The following SMURF2 variants were observed in gnomAD, a reference collection of about 807,000 sequenced individuals.
SMURF2 encodes the protein SMAD specific E3 ubiquitin protein ligase 2.
SMURF2 carries 48 observed loss-of-function variants against 109.6 expected under a neutral mutation model. The observed-to-expected ratio is 0.44, with a 90% CI of 0.35 to 0.56. SMURF2 has a LOEUF of 0.56. Among genes scored for constraint, SMURF2 ranks in the 20% least tolerant of loss-of-function variants. The pLI is 0.01. For missense variants in SMURF2, 575 were observed against 909.0 expected, an observed-to-expected ratio of 0.63 and a Z score of 4.72; for synonymous variants, 288 against 317.1, an observed-to-expected ratio of 0.91 and a Z score of 0.97.
At chr17:64,563,659 ACTT>A (rs1969258840) in intron 10 of SMURF2, among the ~76,000 whole-genome samples, 1 of 152,226 alleles carries the variant, frequency 6.6e-6, no homozygotes, top group Non-Finnish European at 1.5e-5. Flanking sequence ...AAGCCATAAA[ACTT>A]CTAAGCACAG....
At position 64,562,875 on chromosome 17, in the gene SMURF2, G is replaced by A; in HGVS notation, c.1108C>T (p.Arg370Ter). ...ATTTTTAGTTTCTGAACCAGGTCTC[G>A]CTTGTACCTTGGGACTGTCAGGCAT... is the stretch of plus-strand genomic sequence containing the variant. ...TECLTVPRYK[R>*]DLVQKLKILR... Residue 370 changes from arginine to a stop codon, truncating the protein, a stop_gained, in exon 11 of 19, where the codon CGA becomes TGA. Coordinates refer to ENST00000262435, the MANE Select transcript of SMURF2 (RefSeq NM_022739.4). LOFTEE classifies it high-confidence loss of function. 1 of 1,614,088 alleles carries A rather than the reference G, an allele frequency of 6.2e-7. No individual in the cohort carries two copies. Among genetic ancestry groups the A allele is most frequent in the Non-Finnish European group, 8.5e-7 (1 of 1,180,004 alleles).
chr17:64,635,622 G>T (rs1490801700), intron 1 of SMURF2, among the ~76,000 whole-genome samples: 1 of 151,824 alleles, frequency 6.6e-6, no homozygotes, highest in Non-Finnish European at 1.5e-5. Flanking sequence ...CTAATTTTTT[G>T]AGCTCATCCA....
intron 1 of SMURF2, among the ~76,000 whole-genome samples, chr17:64,639,826 T>C (rs1296494026): frequency 6.6e-6 from 1 of 152,128 alleles, no homozygotes; most frequent in South Asian, 2.1e-4. Context: ...GGCATCACAT[T>C]AGGTAAATGA....
intron 1 of SMURF2, among the ~76,000 whole-genome samples, chr17:64,655,379 T>C (rs1970692754): frequency 2.1e-5 from 3 of 145,090 alleles, no homozygotes; most frequent in Admixed American, 7.2e-5. Flanking sequence ...TGACTCAGCC[T>C]CCCCAGTAGC....
At chr17:64,599,861 G>C (rs1200236005) in intron 2 of SMURF2, among the ~76,000 whole-genome samples, 3 of 152,198 alleles carry the variant, frequency 2.0e-5, no homozygotes, top group Non-Finnish European at 4.4e-5. Flanking sequence ...AAAAGGAAGA[G>C]CACCAAGGAG....
chr17:64,662,049 A>G lies in SMURF2; in HGVS notation c.-169T>C, dbSNP rs1216597488. On this transcript the variant is annotated 5_prime_UTR_variant, in exon 1 of 19. Transcript: ENST00000262435. ...AGTCGTCGCCATGAGCCGCGGAGGG[A>G]GCGGGACGCCGAGCTCCCCCCTCCT... is the stretch of plus-strand genomic sequence containing the variant. 1.8e-6 allele frequency: 2 copies of G among 1,108,198 alleles called. No individual in the cohort carries two copies. The highest frequency in any genetic ancestry group is 1.7e-5 in the African/African-American group (1 of 59,412). The allele number at this position is 1,108,198 out of a possible 1,614,324, so 68.6% of individuals were successfully genotyped here.
At chr17:64,563,582 TG>T (rs1555684735) in intron 10 of SMURF2, among the ~76,000 whole-genome samples, 1 of 152,170 alleles carries the variant, frequency 6.6e-6, no homozygotes, top group African/African-American at 2.4e-5. Context: ...TAAATGAACT[TG>T]GGTATATTTC....
chr17:64,652,257 C>G (rs1266482759), intron 1 of SMURF2, among the ~76,000 whole-genome samples: 10 of 152,314 alleles, frequency 6.6e-5, no homozygotes, highest in Admixed American at 6.5e-4. Flanking sequence ...AAAATAATAT[C>G]TGTCACAGAT....
chr17:64,662,252 G>T lies in SMURF2; in HGVS notation c.-372C>A. 1.0e-6 allele frequency: 1 copy of T among 983,526 alleles called. No homozygotes were observed. The highest frequency in any genetic ancestry group is 1.2e-6 in the Non-Finnish European group (1 of 829,222). 60.9% of individuals were successfully genotyped at this position (983,526 alleles called of 1,614,324 possible). A position where few individuals can be genotyped will look rare whatever the true frequency, so the allele number is the denominator to read the frequency against. ...CGGCTGAAGCGGGCGGTGCTCGGGG[G>T]CGCCGGAGCAGAACTCTGGGCTCGG... is the stretch of plus-strand genomic sequence containing the variant. On this transcript the variant is annotated 5_prime_UTR_variant, in exon 1 of 19. Transcript: ENST00000262435.
intron 5 of SMURF2, among the ~76,000 whole-genome samples, chr17:64,587,312 C>CA (rs1369286208): frequency 6.6e-6 from 1 of 152,056 alleles, no homozygotes; most frequent in Non-Finnish European, 1.5e-5. Flanking sequence ...AGTATAAAAC[C>CA]ACCACAAAGA....
Position 64,562,785 on chromosome 17 carries a change from C to T in SMURF2, c.1198G>A (p.Glu400Lys). The T allele has an allele frequency of 6.2e-7, 1 of 1,612,666 alleles. No individual in the cohort carries two copies. The highest frequency in any genetic ancestry group is 8.5e-7 in the Non-Finnish European group (1 of 1,179,586). Residue 400 changes from glutamate (E) to lysine (K), a missense_variant, in exon 11 of 19, where the codon GAA (glutamate) becomes AAA (lysine). By Grantham distance (56) the Glu-to-Lys change is moderately conservative. This residue lies in a region of SMURF2 where 361 missense variants were observed against 612.1 expected (regional missense o/e 0.59). Coordinates refer to ENST00000262435, the MANE Select transcript of SMURF2 (RefSeq NM_022739.4). ...CGTAAATTTACCTCAAAAATCTCTT[C>T]CCTGGAAACCTCAATGCGGCAATGA... The part of the protein sequence containing the change: ...AGHCRIEVSR[E>K]EIFEESYRQV...
chr17:64,644,157 C>T (rs1555692814), intron 1 of SMURF2, among the ~76,000 whole-genome samples: 1 of 152,078 alleles, frequency 6.6e-6, no homozygotes, highest in African/African-American at 2.4e-5. Context: ...AGGTACGCAC[C>T]ACACACCAGG....
At chr17:64,546,223 T>C (rs782798027) in intron 18 of SMURF2, 40 bp downstream of exon 18, 6 of 1,583,774 alleles carry the variant, frequency 3.8e-6, no homozygotes, top group South Asian at 1.1e-5. Flanking sequence ...CTAACACTTA[T>C]GTACATGGAA....
At chr17:64,655,222 G>C (rs945529079) in intron 1 of SMURF2, among the ~76,000 whole-genome samples, 3 of 142,034 alleles carry the variant, frequency 2.1e-5, no homozygotes, top group Admixed American at 1.4e-4. Flanking sequence ...CCAAAGTAAA[G>C]CAATTCTAAT....
chr17:64,547,556 C>G lies in SMURF2; in HGVS notation c.2071+44G>C, dbSNP rs199718522. ...TCCACAGACCCCACGCTGACAGCCC[C>G]GCCCCCACCCGCTGCCCAGCTTGCC... is the stretch of plus-strand genomic sequence containing the variant. On this transcript the variant is annotated intron_variant, in intron 17 of 18. Coordinates refer to ENST00000262435, the MANE Select transcript of SMURF2 (RefSeq NM_022739.4). This position sits in a 1 kb window ranked among gnomAD's most constrained non-coding sequence, Gnocchi z 4.2. The G allele has an allele frequency of 3.8e-6, 6 of 1,563,314 alleles. No individual in the cohort carries two copies. Among genetic ancestry groups the G allele is most frequent in the Non-Finnish European group, 5.3e-6 (6 of 1,134,678 alleles).
At chr17:64,644,036 G>T (rs1027013767) in intron 1 of SMURF2, among the ~76,000 whole-genome samples, 1 of 151,956 alleles carries the variant, frequency 6.6e-6, no homozygotes, top group African/African-American at 2.4e-5. Flanking sequence ...ATATCGCCCA[G>T]GCTGGTCTCA....
At chr17:64,641,081 CAT>C (rs1970487678) in intron 1 of SMURF2, among the ~76,000 whole-genome samples, 1 of 151,832 alleles carries the variant, frequency 6.6e-6, no homozygotes, top group Non-Finnish European at 1.5e-5. Flanking sequence ...TTCACATATT[CAT>C]ATAAATTATT....
chr17:64,601,511 C>A (rs1969895491), intron 2 of SMURF2, among the ~76,000 whole-genome samples: 1 of 152,184 alleles, frequency 6.6e-6, no homozygotes, highest in South Asian at 2.1e-4. Context: ...CCACCTCACT[C>A]CTGCAAGAAT....
At position 64,546,314 on chromosome 17, in the gene SMURF2, G is replaced by A; in HGVS notation, c.2096C>T (p.Thr699Ile). ...LQGAAGPRLFTIHQIDACTNN... is the reference protein window; with the variant it reads ...LQGAAGPRLFIIHQIDACTNN... ...AGTGCAGGCATCAATCTGGTGTATGGTAAAGAGTCTCGGGCCTGCAGCACC... is the reference window on the plus strand; with the variant it reads ...AGTGCAGGCATCAATCTGGTGTATGATAAAGAGTCTCGGGCCTGCAGCACC... The change falls in exon 18 of 19, where the codon ACC (threonine) becomes ATC (isoleucine). Residue 699 changes from threonine to isoleucine, a missense_variant. Around this residue, in one of 5 missense-constraint regions of SMURF2, gnomAD observed 361 missense variants for 612.1 expected, o/e 0.59. Coordinates refer to ENST00000262435, the MANE Select transcript of SMURF2 (RefSeq NM_022739.4). 6.2e-7 allele frequency: 1 copy of A among 1,613,990 alleles called. No homozygotes were observed.
Sources: gnomAD v4.1 joint callset for allele counts (sites outside exome capture counted in the v4.1 genomes callset) on GRCh38, gnomAD v4.1.1 for gene constraint, gnomAD v4.1.1 regional missense constraint, Gnocchi (gnomAD v3.1) non-coding constraint, MANE v1.5 for transcripts, NCBI Gene and HGNC (gene_info 2026-07-23, HGNC 2026-07-21) for gene names.